The following SIDT2 variants were observed in gnomAD, a reference collection of about 807,000 sequenced individuals.
SIDT2 encodes SID1 transmembrane family member 2, also known as SID1 transmembrane family, member 2.
SIDT2 carries 68 observed loss-of-function variants against 114.4 expected under a neutral mutation model. The observed-to-expected ratio is 0.59, with a 90% CI of 0.49 to 0.73. The LOEUF is 0.73. Ranked by LOEUF, SIDT2 falls within the 30% of genes least tolerant of loss-of-function variation. SIDT2 has a pLI of 0.00. For missense variants in SIDT2, 918 were observed against 1,097.1 expected (o/e 0.84, Z 2.31); for synonymous variants, 470 against 438.4 (o/e 1.07, Z -0.90).
chr11:117,184,534 T>C (rs571242263), intron 8 of SIDT2, among the ~76,000 whole-genome samples: 1 of 152,294 alleles, frequency 6.6e-6, no homozygotes, highest in South Asian at 2.1e-4. Context: ...TAAGATTGAG[T>C]CTCAGTTTCC....
intron 7 of SIDT2, 87 bp downstream of exon 7, chr11:117,183,965 G>C: frequency 1.3e-6 from 2 of 1,493,404 alleles, no homozygotes; most frequent in East Asian, 2.3e-5. Context: ...GCTGATTGGT[G>C]GACCTGATAG....
In SIDT2 at chr11:117,179,215, TCGCCGC is replaced by T. The variant is rs746735121; in HGVS notation, c.-38_-33del. ...CGTCCCGGAGGTGTCCTGTCTCCTG[TCGCCGC>T]CGCCGCCGCCACCACCGCTGCCACT... On this transcript the variant is annotated 5_prime_UTR_variant, in exon 1 of 26. Coordinates refer to ENST00000324225, the MANE Select transcript of SIDT2 (RefSeq NM_001040455.2). The T allele has an allele frequency of 1.0e-5, 16 of 1,574,626 alleles. No individual in the cohort carries two copies. Among genetic ancestry groups the T allele is most frequent in the African/African-American group, 6.9e-5 (5 of 72,776 alleles).
chr11:117,183,731 A>G (rs372277416), intron 6 of SIDT2, 48 bp from the exon 7 acceptor site: 1 of 1,134,812 alleles, frequency 8.8e-7, no homozygotes, highest in South Asian at 1.3e-5. Flanking sequence ...TTAGAAAAGA[A>G]TGATGATGAT....
rs1301084815 is a variant in SIDT2, at chr11:117,181,832, A to T, written c.331A>T (p.Lys111Ter). The T allele has an allele frequency of 6.2e-7, 1 of 1,614,124 alleles. No homozygotes were observed. ...GMFQRKYLYQ[K>*]VERTLCQPPT... ...GTTTCAGCGCAAGTACCTCTACCAA[A>T]AAGTGGAACGAACCCTGTGTCAGCC... Residue 111 changes from lysine (K) to a stop codon, truncating the protein, a stop_gained, in exon 3 of 26, where the codon AAA becomes TAA. Coordinates refer to ENST00000324225, the MANE Select transcript of SIDT2 (RefSeq NM_001040455.2). LOFTEE classifies it high-confidence loss of function.
chr11:117,188,548 C>G lies in SIDT2; in HGVS notation c.1160-160C>G. ...AGGACTTAGGAGCACCTGATGTCTCCTCCCAGCTCCTGAGCCCACTTCCAC... is the reference window on the plus strand; with the variant it reads ...AGGACTTAGGAGCACCTGATGTCTCGTCCCAGCTCCTGAGCCCACTTCCAC... On this transcript the variant is annotated intron_variant, in intron 12 of 25. Coordinates refer to ENST00000324225, the MANE Select transcript of SIDT2 (RefSeq NM_001040455.2). The surrounding 1 kb of genome is among the most constrained non-coding windows in gnomAD (Gnocchi z 4.0). The G allele has an allele frequency of 1.6e-6, 1 of 629,188 alleles. No individual in the cohort carries two copies. Among genetic ancestry groups the G allele is most frequent in the Non-Finnish European group, 2.9e-6 (1 of 344,726 alleles). 39.0% of individuals were successfully genotyped at this position (629,188 alleles called of 1,614,324 possible).
chr11:117,190,860 G>A lies in SIDT2; in HGVS notation c.1735+120G>A. 2.7e-6 allele frequency: 2 copies of A among 746,234 alleles called. No individual in the cohort carries two copies. The highest frequency in any genetic ancestry group is 4.7e-6 in the Non-Finnish European group (2 of 427,560). The allele number at this position is 746,234 out of a possible 1,614,324, so 46.2% of individuals were successfully genotyped here. A position where few individuals can be genotyped will look rare whatever the true frequency, so the allele number is the denominator to read the frequency against. ...CACCCCTGTAGGAAACTCCAAGGCTGGCGTGCCTGGGTGTGCACACATCCT... is the reference window on the plus strand; with the variant it reads ...CACCCCTGTAGGAAACTCCAAGGCTAGCGTGCCTGGGTGTGCACACATCCT... On this transcript the variant is annotated intron_variant, in intron 18 of 25. Transcript: ENST00000324225. The surrounding 1 kb of genome is among the most constrained non-coding windows in gnomAD (Gnocchi z 4.1).
chr11:117,182,828 G>C, intron 6 of SIDT2, 22 bp downstream of exon 6: 2 of 1,607,856 alleles, frequency 1.2e-6, no homozygotes, highest in Non-Finnish European at 1.7e-6. Flanking sequence ...ATGTGGCCAC[G>C]TGGGAGGTGT....
intron 12 of SIDT2, chr11:117,187,985 G>A: frequency 1.6e-6 from 1 of 629,948 alleles, no homozygotes; most frequent in Non-Finnish European, 3.0e-6. Flanking sequence ...GGGCTGTTTT[G>A]CCAATCAGTG....
chr11:117,186,652 C>G lies in SIDT2; in HGVS notation c.1015+16C>G. ...CCAGAAAGCGGTACCTCCAGGGGGC[C>G]TGGGTGGGGCGGGCACAGTGTGCTT... On this transcript the variant is annotated intron_variant, in intron 10 of 25. Transcript: ENST00000324225. 6.7e-7 allele frequency: 1 copy of G among 1,485,956 alleles called. No homozygotes were observed. The highest frequency in any genetic ancestry group is 9.0e-7 in the Non-Finnish European group (1 of 1,116,018). 92.0% of individuals were successfully genotyped at this position (1,485,956 alleles called of 1,614,324 possible).
Position 117,192,617 on chromosome 11 carries a change from C to G in SIDT2, c.2025C>G (p.Asp675Glu). 6.2e-7 allele frequency: 1 copy of G among 1,611,874 alleles called. No homozygotes were observed. The highest frequency in any genetic ancestry group is 8.5e-7 in the Non-Finnish European group (1 of 1,180,032). The stretch of plus-strand genomic sequence containing the variant: ...GCATCCTCCACGTGCTCTACACAGA[C>G]TGCATCCGGCAGTGCAGCGGGCCGC... ...FRRILHVLYTDCIRQCSGPLY... is the reference protein window; with the variant it reads ...FRRILHVLYTECIRQCSGPLY... Residue 675 changes from aspartate to glutamate, a missense_variant, in exon 21 of 26, where the codon GAC (aspartate) becomes GAG (glutamate). Asp to Glu is a conservative substitution (Grantham distance 45, BLOSUM62 2). This residue lies in a region of SIDT2 where 275 missense variants were observed against 397.6 expected (regional missense o/e 0.69). Transcript: ENST00000324225. The surrounding 1 kb of genome is among the most constrained non-coding windows in gnomAD (Gnocchi z 5.9).
Position 117,192,127 on chromosome 11 carries a change from C to T in SIDT2, c.1872+113C>T. ...CTGCATGAGAGATTCCTGCTCCTTCCCTGAGATGCCTTCCTGGGCCCCTCT... is the reference window on the plus strand; with the variant it reads ...CTGCATGAGAGATTCCTGCTCCTTCTCTGAGATGCCTTCCTGGGCCCCTCT... On this transcript the variant is annotated intron_variant, in intron 19 of 25. Coordinates refer to ENST00000324225, the MANE Select transcript of SIDT2 (RefSeq NM_001040455.2). The surrounding 1 kb of genome is among the most constrained non-coding windows in gnomAD (Gnocchi z 5.9). 6.4e-7 allele frequency: 1 copy of T among 1,554,724 alleles called. No homozygotes were observed. Among genetic ancestry groups the T allele is most frequent in the Non-Finnish European group, 8.8e-7 (1 of 1,138,780 alleles).
In SIDT2 at chr11:117,189,157, G is replaced by A. The variant is rs371997771; in HGVS notation, c.1279-12G>A. ...GTAGCAGTAAGTGGGGCTGATTCCA[G>A]CTTCTCCCCAGCAATACCTCTATGT... is the stretch of plus-strand genomic sequence containing the variant. On this transcript the variant is annotated splice_polypyrimidine_tract_variant and intron_variant, in intron 13 of 25. Coordinates refer to ENST00000324225, the MANE Select transcript of SIDT2 (RefSeq NM_001040455.2). 2.5e-6 allele frequency: 4 copies of A among 1,613,960 alleles called. No individual in the cohort carries two copies. In the African/African-American group the frequency reaches 5.3e-5, roughly 22 times the overall value.
At chr11:117,184,011 G>A in intron 7 of SIDT2, 63 bp from the exon 8 acceptor site, 1 of 1,591,168 alleles carries the variant, frequency 6.3e-7, no homozygotes, top group Non-Finnish European at 8.6e-7. Context: ...TCAAAGGCCT[G>A]ATCCCACTGA....
chr11:117,187,580 T>A, intron 11 of SIDT2, 48 bp from the exon 12 acceptor site: 2 of 1,605,414 alleles, frequency 1.2e-6, no homozygotes, highest in Non-Finnish European at 1.7e-6. Context: ...CAGAGCCCCT[T>A]TCCCTGCGGC....
In SIDT2 at chr11:117,190,605, T is replaced by A; in HGVS notation, c.1618-18T>A. 1 of 1,549,104 alleles carries A rather than the reference T, an allele frequency of 6.5e-7. No homozygotes were observed. ...GCCTCACTTCCTCCCTCCCTTCCCT[T>A]CTCTCTCTCCCCAACAGGAATGTGG... On this transcript the variant is annotated intron_variant, in intron 17 of 25. Coordinates refer to ENST00000324225, the MANE Select transcript of SIDT2 (RefSeq NM_001040455.2). This position sits in a 1 kb window ranked among gnomAD's most constrained non-coding sequence, Gnocchi z 4.1.
chr11:117,186,587 G>A lies in SIDT2; in HGVS notation c.966G>A (p.Gln322=), dbSNP rs763130161. 1.2e-5 allele frequency: 19 copies of A among 1,563,176 alleles called. No individual in the cohort carries two copies. Among genetic ancestry groups the A allele is most frequent in the Non-Finnish European group, 1.6e-5 (18 of 1,158,854 alleles). The change falls in exon 10 of 26, where the codon CAG becomes CAA. Residue 322 remains glutamine, a synonymous_variant. Coordinates refer to ENST00000324225, the MANE Select transcript of SIDT2 (RefSeq NM_001040455.2). ...CCTGTGGGTTCTGTCCATGCAGGCA[G>A]AAGAAGAAGACCCTGCTGGTGGCCA... is the stretch of plus-strand genomic sequence containing the variant. ...VLLACWENWR[Q]KKKTLLVAID...
rs55970874 is a variant in SIDT2 at position 117,195,085 on chromosome 11, C to CAAAAAAAAAAAAAA, written c.2323-701_2323-688dup. Among the ~76,000 whole-genome samples the CAAAAAAAAAAAAAA allele has an allele frequency of 4.2e-4, 19 of 45,694 alleles. 3 individuals are homozygous for CAAAAAAAAAAAAAA. The highest frequency in any genetic ancestry group is 5.1e-4 in the African/African-American group (8 of 15,808). The allele number at this position is 45,694 out of a possible 152,430, so 30.0% of individuals were successfully genotyped here. A position where few individuals can be genotyped will look rare whatever the true frequency, so the allele number is the denominator to read the frequency against. On this transcript the variant is annotated intron_variant, in intron 24 of 25. Transcript: ENST00000324225. ...CTGTCAACAGAGCAAGACTCTGTCT[C>CAAAAAAAAAAAAAA]AAAAAAAAAAAAAAAAAAAAAAAAA...
chr11:117,183,454 A>G (rs1352415303), intron 6 of SIDT2, among the ~76,000 whole-genome samples: 1 of 152,086 alleles, frequency 6.6e-6, no homozygotes, highest in East Asian at 1.9e-4. Context: ...CCTGGCCAAC[A>G]TGGTGAAACC....
In SIDT2 at chr11:117,178,996, A is replaced by C. The variant is rs1465560154; in HGVS notation, c.-268A>C. 2.0e-6 allele frequency: 1 copy of C among 496,206 alleles called. No homozygotes were observed. Among genetic ancestry groups the C allele is most frequent in the Non-Finnish European group, 3.6e-6 (1 of 276,738 alleles). 30.7% of individuals were successfully genotyped at this position (496,206 alleles called of 1,614,324 possible). On this transcript the variant is annotated 5_prime_UTR_variant, in exon 1 of 26. Coordinates refer to ENST00000324225, the MANE Select transcript of SIDT2 (RefSeq NM_001040455.2). ...GGCTCCAGGGTCTCAGGTCGTACTC[A>C]GCCCCTCGCGAGCTGGGACCCCTTC...
Sources: allele counts gnomAD v4.1 joint callset (sites outside exome capture counted in the v4.1 genomes callset), GRCh38; gene constraint gnomAD v4.1.1; regional missense constraint gnomAD v4.1.1; non-coding constraint Gnocchi (gnomAD v3.1); transcripts MANE v1.5; gene names NCBI Gene and HGNC (gene_info 2026-07-23, HGNC 2026-07-21).